SYT9: variants seen among roughly 807,000 people sequenced by gnomAD.
SYT9 encodes the protein synaptotagmin-9.
SYT9 carries 22 observed loss-of-function variants against 48.4 expected under a neutral mutation model. That is an observed-to-expected ratio of 0.45 (90% confidence interval 0.32 to 0.65). The LOEUF is 0.65. SYT9 is among the 30% of genes least tolerant of loss of function. The pLI is 0.03. For synonymous variants in SYT9, 265 were observed against 245.0 expected (o/e 1.08, Z -0.76); for missense variants, 577 against 622.0 (o/e 0.93, Z 0.77).
At chr11:7,273,445 G>A (rs1198220485) in intron 1 of SYT9, among the ~76,000 whole-genome samples, 1 of 152,064 alleles carries the variant, frequency 6.6e-6, no homozygotes, top group African/African-American at 2.4e-5. Context: ...GTAGCCAAGA[G>A]AGCAAAGTTT....
chr11:7,457,876 T>C (rs1286584461), intron 6 of SYT9: 1 of 152,210 alleles, frequency 6.6e-6, no homozygotes, highest in Non-Finnish European at 1.5e-5. Flanking sequence ...GGGGTCACTA[T>C]TTTGGCTGCC....
At chr11:7,405,386 G>A (rs1026188781) in intron 3 of SYT9, among the ~76,000 whole-genome samples, 15 of 152,078 alleles carry the variant, frequency 9.9e-5, no homozygotes, top group African/African-American at 3.4e-4. Context: ...AATTACTCCC[G>A]GTTGAGAACC....
chr11:7,415,008 T>A (rs1847212119), intron 3 of SYT9, among the ~76,000 whole-genome samples: 2 of 152,196 alleles, frequency 1.3e-5, no homozygotes, highest in African/African-American at 2.4e-5. Flanking sequence ...TCCTTTCTGG[T>A]TATACTGTCC....
At chr11:7,308,335 G>A (rs1849069633) in intron 2 of SYT9, among the ~76,000 whole-genome samples, 2 of 152,188 alleles carry the variant, frequency 1.3e-5, no homozygotes, top group Non-Finnish European at 2.9e-5. Context: ...TTTCACCTCT[G>A]AGGTGGGCCA....
rs565904101 is a variant in SYT9 at position 7,441,251 on chromosome 11, G to A, written c.1467+20616G>A. ...GGCATTAGCAGAAATGAGCCTGCCA[G>A]GGAAATATGACAGGTGGAGAGGTGA... is the stretch of plus-strand genomic sequence containing the variant. On this transcript the variant is annotated intron_variant, in intron 6 of 6. Transcript: ENST00000318881. 9 of 152,298 alleles carry A rather than the reference G, an allele frequency of 5.9e-5. No individual in the cohort carries two copies. In the East Asian group the frequency reaches 1.5e-3, roughly 26 times the overall value. The allele number at this position is 152,298 out of a possible 1,614,324, so 9.4% of individuals were successfully genotyped here. A position where few individuals can be genotyped will look rare whatever the true frequency, so the allele number is the denominator to read the frequency against.
intron 1 of SYT9, among the ~76,000 whole-genome samples, chr11:7,271,825 C>G (rs565152489): frequency 2.0e-5 from 3 of 152,290 alleles, no homozygotes; most frequent in Non-Finnish European, 4.4e-5. Flanking sequence ...ATCTGCCCGC[C>G]TCGGCCTCCC....
In SYT9 at chr11:7,466,842, C is replaced by T. The variant is rs757174936; in HGVS notation, c.*42C>T. 1.2e-6 allele frequency: 2 copies of T among 1,606,340 alleles called. No individual in the cohort carries two copies. The highest frequency in any genetic ancestry group is 1.3e-5 in the African/African-American group (1 of 74,466). On this transcript the variant is annotated 3_prime_UTR_variant, in exon 7 of 7. Coordinates refer to ENST00000318881, the MANE Select transcript of SYT9 (RefSeq NM_175733.4). ...TGCTTGTGCCAAGGACAAAATAGGA[C>T]AACCATCTCACAAAGATCTTAAGTA...
upstream of SYT9, among the ~76,000 whole-genome samples, chr11:7,249,304 T>C (rs528622530): frequency 6.6e-6 from 1 of 152,322 alleles, no homozygotes; most frequent in Non-Finnish European, 1.5e-5. Flanking sequence ...TTTTCAAGTC[T>C]AGACTCAGCT....
At chr11:7,275,533 T>C (rs1848371928) in intron 1 of SYT9, among the ~76,000 whole-genome samples, 1 of 152,232 alleles carries the variant, frequency 6.6e-6, no homozygotes, top group Non-Finnish European at 1.5e-5. Context: ...AATGTTGGCA[T>C]TTTTTATATT....
intron 3 of SYT9, among the ~76,000 whole-genome samples, chr11:7,347,845 G>C (rs183505593): frequency 6.6e-6 from 1 of 152,218 alleles, no homozygotes; most frequent in East Asian, 1.9e-4. Flanking sequence ...TCTTTCAACA[G>C]ACAGGCTCCG....
At chr11:7,415,362 G>A (rs965240359) in intron 3 of SYT9, among the ~76,000 whole-genome samples, 4 of 152,192 alleles carry the variant, frequency 2.6e-5, no homozygotes, top group Admixed American at 6.5e-5. Context: ...GTCCAGTGGA[G>A]CCGTGTGCTG....
At chr11:7,302,887 G>C in intron 1 of SYT9, 152 bp from the exon 2 acceptor site, 2 of 660,092 alleles carry the variant, frequency 3.0e-6, no homozygotes, top group Non-Finnish European at 5.3e-6. Flanking sequence ...CACCGTCCCA[G>C]AATTAAGTAA....
intron 6 of SYT9, among the ~76,000 whole-genome samples, chr11:7,463,254 C>T (rs1156917723): frequency 6.6e-6 from 1 of 152,204 alleles, no homozygotes; most frequent in East Asian, 1.9e-4. Context: ...ATTAAACCAC[C>T]GTTACTGTCT....
At chr11:7,376,005 G>A (rs981671553) in intron 3 of SYT9, among the ~76,000 whole-genome samples, 4 of 151,946 alleles carry the variant, frequency 2.6e-5, no homozygotes, top group Non-Finnish European at 5.9e-5. Flanking sequence ...TTTCTGCTGG[G>A]TGCTGTCTCC....
chr11:7,312,770 A>G (rs1849163674), intron 2 of SYT9, among the ~76,000 whole-genome samples: 1 of 152,242 alleles, frequency 6.6e-6, no homozygotes, highest in Non-Finnish European at 1.5e-5. Context: ...CCATGTGTAC[A>G]GCAAAAGCAC....
intron 1 of SYT9, among the ~76,000 whole-genome samples, chr11:7,246,744 T>G (rs948816692): frequency 1.3e-5 from 2 of 152,182 alleles, no homozygotes; most frequent in Non-Finnish European, 2.9e-5. Flanking sequence ...AGAAATTTGG[T>G]AAATGGGGAT....
chr11:7,293,258 C>G (rs1473893588), intron 1 of SYT9, among the ~76,000 whole-genome samples: 1 of 152,144 alleles, frequency 6.6e-6, no homozygotes, highest in Non-Finnish European at 1.5e-5. Flanking sequence ...GATGTTCTTC[C>G]CTCTGTGTCA....
intron 1 of SYT9, among the ~76,000 whole-genome samples, chr11:7,263,662 T>C (rs1366231126): frequency 2.6e-5 from 4 of 152,160 alleles, no homozygotes; most frequent in African/African-American, 9.7e-5. Context: ...AAGGATCCCC[T>C]GAGTTAAATG....
At chr11:7,393,031 A>G (rs972757245) in intron 3 of SYT9, among the ~76,000 whole-genome samples, 1 of 152,180 alleles carries the variant, frequency 6.6e-6, no homozygotes, top group African/African-American at 2.4e-5. Flanking sequence ...GTATAGAATC[A>G]TACTGTCAGC....
Sources: gnomAD v4.1 joint callset for allele counts (sites outside exome capture counted in the v4.1 genomes callset) on GRCh38, gnomAD v4.1.1 for gene constraint, MANE v1.5 for transcripts, NCBI Gene and HGNC (gene_info 2026-07-23, HGNC 2026-07-21) for gene names.